Variants in CLC observed in about 807,000 individuals in gnomAD.
The protein encoded by CLC is Charcot-Leyden crystal galectin.
CLC carries 15 observed loss-of-function variants against 13.9 expected under a neutral mutation model. The ratio of observed to expected loss-of-function variants is 1.08; its 90% CI spans 0.72 to 1.66. CLC has a LOEUF of 1.66. CLC is among the 40% of genes most tolerant of loss of function. CLC has a pLI of 0.00. For synonymous variants in CLC, 68 were observed against 59.9 expected (o/e 1.14, Z -0.63); for missense variants, 161 against 169.1 (o/e 0.95, Z 0.27).
At chr19:39,735,927 G>A (rs939384455) in intron 1 of CLC, among the ~76,000 whole-genome samples, 9 of 152,178 alleles carry the variant, frequency 5.9e-5, no homozygotes, top group Admixed American at 6.5e-5. Flanking sequence ...GTTTCAATTT[G>A]AGAACAGCTA....
Position 39,737,946 on chromosome 19 carries a change from G to T in CLC, c.7C>A (p.Leu3Met). Reference sequence around the variant, plus strand: ...GTGCCTTTTTAACTCACGGGTAGCAGGGACATTGTTGTCTCCTTCTGGGTG... The same window carrying T: ...GTGCCTTTTTAACTCACGGGTAGCATGGACATTGTTGTCTCCTTCTGGGTG... Reference protein sequence around the residue: MSLLPVPYTEAAS... With the variant: MSMLPVPYTEAAS... The change falls in exon 1 of 4, where the codon CTG (leucine) becomes ATG (methionine). Residue 3 changes from leucine (L) to methionine (M), a missense_variant. Transcript: ENST00000221804. The T allele has an allele frequency of 1.2e-6, 2 of 1,612,764 alleles. No individual in the cohort carries two copies. Among genetic ancestry groups the T allele is most frequent in the Non-Finnish European group, 1.7e-6 (2 of 1,179,096 alleles).
Position 39,734,487 on chromosome 19 carries a change from T to C in CLC, c.99A>G (p.Glu33=), listed in dbSNP as rs766195250. ...TGTGGAAATCCACCTGCAGATATGG[T>C]TCATTCCTGAGGGCAGAGCACACAG... The part of the protein sequence containing the change: ...KGRPLACFLN[E]PYLQVDFHTE... The change falls in exon 3 of 4, where the codon GAA becomes GAG. Residue 33 remains glutamate (E), a synonymous_variant. Coordinates refer to ENST00000221804, the MANE Select transcript of CLC (RefSeq NM_001828.6). 8.7e-6 allele frequency: 14 copies of C among 1,613,650 alleles called. 1 individual carries two copies. In the South Asian group the frequency reaches 1.5e-4, roughly 18 times the overall value.
rs200091892 is a variant in CLC, at chr19:39,731,515, G to GA, written c.304-11dup. The GA allele has an allele frequency of 5.0e-6, 8 of 1,588,048 alleles. No homozygotes were observed. The highest frequency in any genetic ancestry group is 4.1e-5 in the African/African-American group (3 of 73,862). On this transcript the variant is annotated splice_polypyrimidine_tract_variant and intron_variant, in intron 3 of 3. Coordinates refer to ENST00000221804, the MANE Select transcript of CLC (RefSeq NM_001828.6). Reference sequence around the variant, plus strand: ...GGCCATTGACCATTACCTACAGAAGGAAAAAAATACATCAGAAAGACAGTA... The same window carrying GA: ...GGCCATTGACCATTACCTACAGAAGGAAAAAAAATACATCAGAAAGACAGTA...
At chr19:39,732,160 C>T (rs552133465) in intron 3 of CLC, among the ~76,000 whole-genome samples, 10,074 of 123,254 alleles carry the variant, frequency 0.082, 558 homozygotes, top group Non-Finnish European at 0.1. Flanking sequence ...ATACATGTGC[C>T]ATGCTGGTGC....
intron 3 of CLC, chr19:39,734,033 G>A: frequency 1.0e-6 from 1 of 985,380 alleles, no homozygotes; most frequent in Non-Finnish European, 1.2e-6. Flanking sequence ...AAGGAGAGGT[G>A]ATGGCAGAGC....
At chr19:39,732,026 A>G (rs1480451918) in intron 3 of CLC, among the ~76,000 whole-genome samples, 3 of 151,876 alleles carry the variant, frequency 2.0e-5, no homozygotes, top group Non-Finnish European at 4.4e-5. Flanking sequence ...ATGTTACAAA[A>G]CATAGGATAT....
chr19:39,735,047 C>T lies in CLC; in HGVS notation c.42G>A (p.Leu14=). The part of the protein sequence containing the change: ...LPVPYTEAAS[L]STGSTVTIKG... ...TGATTGTCACAGTAGAACCAGTAGACAAAGAGGCAGCCTCTGTGTATGGCA... is the reference window on the plus strand; with the variant it reads ...TGATTGTCACAGTAGAACCAGTAGATAAAGAGGCAGCCTCTGTGTATGGCA... Residue 14 remains leucine, a synonymous_variant, in exon 2 of 4, where the codon TTG becomes TTA. Transcript: ENST00000221804. 6.2e-7 allele frequency: 1 copy of T among 1,613,966 alleles called. No individual in the cohort carries two copies. The highest frequency in any genetic ancestry group is 8.5e-7 in the Non-Finnish European group (1 of 1,179,860).
At chr19:39,734,040 G>A in intron 3 of CLC, 1 of 985,370 alleles carries the variant, frequency 1.0e-6, no homozygotes, top group African/African-American at 1.7e-5. Flanking sequence ...GGTGATGGCA[G>A]AGCAAGCAAC....
chr19:39,731,510 A>C lies in CLC; in HGVS notation c.304-5T>G, dbSNP rs759038520. 14 of 1,597,332 alleles carry C rather than the reference A, an allele frequency of 8.8e-6. No homozygotes were observed. The African/African-American group carries it at 1.6e-4, about 18-fold the overall frequency. On this transcript the variant is annotated splice_polypyrimidine_tract_variant and splice_region_variant and intron_variant, in intron 3 of 3. Coordinates refer to ENST00000221804, the MANE Select transcript of CLC (RefSeq NM_001828.6). ...GGATTGGCCATTGACCATTACCTAC[A>C]GAAGGAAAAAAATACATCAGAAAGA...
At chr19:39,737,913 T>C in intron 1 of CLC, 25 bp downstream of exon 1, 1 of 1,609,624 alleles carries the variant, frequency 6.2e-7, no homozygotes, top group Non-Finnish European at 8.5e-7. Flanking sequence ...CTGAGATTAT[T>C]GAAGGCTGTG....
intron 1 of CLC, among the ~76,000 whole-genome samples, chr19:39,736,487 A>G (rs1967313070): frequency 6.6e-6 from 1 of 152,072 alleles, no homozygotes; most frequent in African/African-American, 2.4e-5. Flanking sequence ...ATCAAAACTC[A>G]CTGCAGGCTG....
In CLC at chr19:39,738,023, T is replaced by G; in HGVS notation, c.-71A>C. The G allele has an allele frequency of 6.6e-7, 1 of 1,504,308 alleles. No homozygotes were observed. The highest frequency in any genetic ancestry group is 9.2e-7 in the Non-Finnish European group (1 of 1,087,872). 93.2% of individuals were successfully genotyped at this position (1,504,308 alleles called of 1,614,324 possible). On this transcript the variant is annotated 5_prime_UTR_variant, in exon 1 of 4. Transcript: ENST00000221804. The stretch of plus-strand genomic sequence containing the variant: ...TGTGTGAATCTCTGAGCTGCAGAAT[T>G]TAAATGGCCCCTATCAGCCCTGCCT...
intron 1 of CLC, among the ~76,000 whole-genome samples, chr19:39,737,254 A>G (rs1413718012): frequency 6.6e-6 from 1 of 151,394 alleles, no homozygotes; most frequent in African/African-American, 2.4e-5. Context: ...TGCTTGGGAA[A>G]AGGCACCTGA....
intron 3 of CLC, chr19:39,733,894 T>C: frequency 1.0e-6 from 1 of 972,620 alleles, no homozygotes; most frequent in South Asian, 4.8e-5. Flanking sequence ...ATCTTATCCA[T>C]TTAGCTACAT....
chr19:39,734,995 A>G lies in CLC; in HGVS notation c.92+2T>C. The G allele has an allele frequency of 6.2e-7, 1 of 1,608,434 alleles. No individual in the cohort carries two copies. The highest frequency in any genetic ancestry group is 1.1e-5 in the South Asian group (1 of 90,954). ...CCCATCTTTGCACCATGGAGTACTCACAAGAAACAGGCAAGTGGTCGCCCT... is the reference window on the plus strand; with the variant it reads ...CCCATCTTTGCACCATGGAGTACTCGCAAGAAACAGGCAAGTGGTCGCCCT... On this transcript the variant is annotated splice_donor_variant, in intron 2 of 3. Coordinates refer to ENST00000221804, the MANE Select transcript of CLC (RefSeq NM_001828.6). LOFTEE classifies it high-confidence loss of function.
chr19:39,737,272 T>C (rs927498478), intron 1 of CLC, among the ~76,000 whole-genome samples: 1 of 151,500 alleles, frequency 6.6e-6, no homozygotes, highest in Non-Finnish European at 1.5e-5. Flanking sequence ...TGAGAATTCA[T>C]GCATTCTGCT....
intron 1 of CLC, 87 bp from the exon 2 acceptor site, chr19:39,735,160 G>C (rs1361550572): frequency 4.3e-6 from 4 of 922,378 alleles, no homozygotes; most frequent in Non-Finnish European, 7.1e-6. Flanking sequence ...CAGCCAGTTA[G>C]AGATCAAGCA....
At chr19:39,734,928 TGAGGTCACCCCCTTA>T (rs1967286326) in intron 2 of CLC, 54 bp downstream of exon 2, 1 of 1,205,762 alleles carries the variant, frequency 8.3e-7, no homozygotes, top group Non-Finnish European at 1.2e-6. Context: ...GATTCACACA[TGAGGTCACCCCCTTA>T]GAAAATATTC....
chr19:39,734,127 G>C (rs1967269894), intron 3 of CLC, 156 bp downstream of exon 3: 1 of 949,822 alleles, frequency 1.1e-6, no homozygotes, highest in Admixed American at 6.2e-5. Flanking sequence ...CCTGGGACAG[G>C]GGGAGTTATG....
Sources: gnomAD v4.1 joint callset for allele counts (sites outside exome capture counted in the v4.1 genomes callset) on GRCh38, gnomAD v4.1.1 for gene constraint, MANE v1.5 for transcripts, NCBI Gene and HGNC (gene_info 2026-07-23, HGNC 2026-07-21) for gene names.